CHRM2: variants seen among roughly 807,000 people sequenced by gnomAD.
CHRM2 encodes the protein cholinergic receptor muscarinic 2, also known as muscarinic acetylcholine receptor M2.
CHRM2 carries 8 observed loss-of-function variants against 25.0 expected under a neutral mutation model. The observed-to-expected ratio is 0.32, with a 90% CI of 0.19 to 0.58. The LOEUF (loss-of-function observed/expected upper bound fraction) is 0.58, where lower values mean the gene tolerates loss of function less well. Among genes scored for constraint, CHRM2 ranks in the 20% least tolerant of loss-of-function variants. CHRM2 has a pLI of 0.88. For synonymous variants in CHRM2, 202 were observed against 205.7 expected, an observed-to-expected ratio of 0.98 and a Z score of 0.15; for missense variants, 440 against 567.1, an observed-to-expected ratio of 0.78 and a Z score of 2.28.
chr7:136,985,521 A>AG (rs1198842606), intron 2 of CHRM2, among the ~76,000 whole-genome samples: 30 of 151,624 alleles, frequency 2.0e-4, no homozygotes, highest in African/African-American at 6.8e-4. Context: ...AAAAAAAAAA[A>AG]AAAAAAACAA....
At chr7:136,916,618 C>T (rs1349203944) in intron 2 of CHRM2, among the ~76,000 whole-genome samples, 1 of 150,908 alleles carries the variant, frequency 6.6e-6, no homozygotes, top group Non-Finnish European at 1.5e-5. Flanking sequence ...TTGCTTATCT[C>T]TTTTATCCTT....
rs1795735647 is a variant in CHRM2, at chr7:136,869,653, C to G, written c.-125+235C>G. ...AGGAAGGGGCAAACGAGGCACAGCG[C>G]GAGGCGAGGTACCCCTACGATTCCG... On this transcript the variant is annotated intron_variant, in intron 2 of 3. Transcript: ENST00000680005. The surrounding 1 kb of genome is among the most constrained non-coding windows in gnomAD (Gnocchi z 4.9). Among the ~76,000 whole-genome samples the G allele has an allele frequency of 6.6e-6, 1 of 152,142 alleles. No individual in the cohort carries two copies. The highest frequency in any genetic ancestry group is 1.5e-5 in the Non-Finnish European group (1 of 67,998).
chr7:136,921,349 T>G (rs1798419525), intron 2 of CHRM2, among the ~76,000 whole-genome samples: 1 of 152,034 alleles, frequency 6.6e-6, no homozygotes, highest in Admixed American at 6.6e-5. Flanking sequence ...AGGTCTGCCT[T>G]TACTCCATTT....
intron 2 of CHRM2, among the ~76,000 whole-genome samples, chr7:136,978,741 G>A (rs971704689): frequency 6.6e-6 from 1 of 152,034 alleles, no homozygotes; most frequent in Admixed American, 6.6e-5. Context: ...GAGAATGATG[G>A]TTACCAGCTT....
rs765094423 is a variant in CHRM2, at chr7:137,015,999, T to C, written c.1134T>C (p.Pro378=). ...MTKQPAKKKP[P]PSREKKVTRT... ...AGCAGCCTGCAAAAAAGAAGCCTCCTCCTTCCCGGGAAAAGAAAGTCACCA... is the reference window on the plus strand; with the variant it reads ...AGCAGCCTGCAAAAAAGAAGCCTCCCCCTTCCCGGGAAAAGAAAGTCACCA... Residue 378 remains proline, a synonymous_variant, in exon 4 of 4, where the codon CCT becomes CCC. Transcript: ENST00000680005. This position sits in a 1 kb window ranked among gnomAD's most constrained non-coding sequence, Gnocchi z 5.1. 41 of 1,613,106 alleles carry C rather than the reference T, an allele frequency of 2.5e-5. No homozygotes were observed. The highest frequency in any genetic ancestry group is 3.5e-5 in the Non-Finnish European group (41 of 1,179,440).
chr7:136,930,415 C>T (rs777660230), intron 2 of CHRM2, among the ~76,000 whole-genome samples: 1 of 152,042 alleles, frequency 6.6e-6, no homozygotes, highest in Non-Finnish European at 1.5e-5. Flanking sequence ...TGCAGATGCT[C>T]GGGTCCCAGA....
At chr7:136,968,845 AG>A (rs1183623769) in intron 2 of CHRM2, among the ~76,000 whole-genome samples, 1 of 151,654 alleles carries the variant, frequency 6.6e-6, no homozygotes, top group Non-Finnish European at 1.5e-5. Context: ...GAAATAAGCC[AG>A]GCACAAAAAC....
chr7:136,899,230 C>T (rs1797067469), intron 2 of CHRM2: 1 of 151,948 alleles, frequency 6.6e-6, no homozygotes, highest in African/African-American at 2.4e-5. Flanking sequence ...AGATATGTTG[C>T]AGTAATTTAT....
rs568302072 is a variant in CHRM2 at position 136,900,692 on chromosome 7, C to T, written c.-125+31274C>T. ...AATTGCTCGTCTCATAATTATCTTG[C>T]CAACTGCTAAACAATCTTTTTTTTA... On this transcript the variant is annotated intron_variant, in intron 2 of 3. Transcript: ENST00000680005. Among the ~76,000 whole-genome samples the T allele has an allele frequency of 9.9e-5, 15 of 152,034 alleles. No individual in the cohort carries two copies. The South Asian group carries it at 1.2e-3, about 13-fold the overall frequency.
At chr7:136,936,855 A>C (rs573522908) in intron 2 of CHRM2, among the ~76,000 whole-genome samples, 3 of 152,270 alleles carry the variant, frequency 2.0e-5, no homozygotes, top group African/African-American at 7.2e-5. Flanking sequence ...TTTCTTCACT[A>C]GTTGAAAAGA....
chr7:136,964,094 G>T (rs543700364), intron 2 of CHRM2, among the ~76,000 whole-genome samples: 1 of 151,948 alleles, frequency 6.6e-6, no homozygotes, highest in Non-Finnish European at 1.5e-5. Context: ...CACCAAAAAG[G>T]TTTCAGCCAA....
chr7:136,902,196 TATCTATCG>T (rs1797253835), intron 2 of CHRM2: 2 of 147,336 alleles, frequency 1.4e-5, no homozygotes, highest in African/African-American at 5.0e-5. Context: ...CTCATCTATC[TATCTATCG>T]ATCTATCTAT....
At position 136,881,112 on chromosome 7, in the gene CHRM2, T is replaced by A. The variant is rs1796249304; in HGVS notation, c.-125+11694T>A. Reference sequence around the variant, plus strand: ...AGTATTTCCACTGCCCTAAAAAGCCTCTGTGCCCCTTCCATCTAGTATCCT... The same window carrying A: ...AGTATTTCCACTGCCCTAAAAAGCCACTGTGCCCCTTCCATCTAGTATCCT... On this transcript the variant is annotated intron_variant, in intron 2 of 3. Coordinates refer to ENST00000680005, the MANE Select transcript of CHRM2 (RefSeq NM_001006630.2). Among the ~76,000 whole-genome samples, 12 of 149,230 alleles carry A rather than the reference T, an allele frequency of 8.0e-5. No homozygotes were observed. The South Asian group carries it at 2.6e-3, about 32-fold the overall frequency.
chr7:136,992,789 C>A (rs1322689249), intron 3 of CHRM2, among the ~76,000 whole-genome samples: 3 of 152,104 alleles, frequency 2.0e-5, no homozygotes, highest in Non-Finnish European at 4.4e-5. Context: ...AATCATGAAA[C>A]TATGAGAACT....
intron 2 of CHRM2, among the ~76,000 whole-genome samples, chr7:136,920,133 C>A (rs1335804052): frequency 6.6e-6 from 1 of 151,770 alleles, no homozygotes; most frequent in African/African-American, 2.4e-5. Flanking sequence ...ATAACCCCTG[C>A]TATTCTGATA....
intron 2 of CHRM2, among the ~76,000 whole-genome samples, chr7:136,929,481 G>T (rs982599078): frequency 5.9e-5 from 9 of 152,030 alleles, no homozygotes; most frequent in South Asian, 2.1e-4. Context: ...CCTCCTTAGG[G>T]AGGTTCAGGG....
intron 2 of CHRM2, among the ~76,000 whole-genome samples, chr7:136,971,656 A>T (rs1450777873): frequency 2.0e-5 from 3 of 150,796 alleles, no homozygotes; most frequent in Non-Finnish European, 4.4e-5. Context: ...GGAGGAGTTT[A>T]GTGAAAATGT....
chr7:136,954,946 A>ATATTCCTG (rs1479345235), intron 2 of CHRM2, among the ~76,000 whole-genome samples: 1 of 152,088 alleles, frequency 6.6e-6, no homozygotes, highest in Admixed American at 6.6e-5. Context: ...ACACAGACCT[A>ATATTCCTG]TATTCCTGGT....
chr7:136,930,927 A>AAAAAAAAAAAAAAAAAAAAG (rs1290104978), intron 2 of CHRM2, among the ~76,000 whole-genome samples: 4 of 138,662 alleles, frequency 2.9e-5, no homozygotes, highest in South Asian at 2.3e-4. Context: ...AAAAAAAAAA[A>AAAAAAAAAAAAAAAAAAAAG]GGATAGAAAG....
Sources: gnomAD v4.1 joint callset for allele counts (sites outside exome capture counted in the v4.1 genomes callset) on GRCh38, gnomAD v4.1.1 for gene constraint, Gnocchi (gnomAD v3.1) non-coding constraint, MANE v1.5 for transcripts, NCBI Gene and HGNC (gene_info 2026-07-23, HGNC 2026-07-21) for gene names.